KCNAB1: variants seen among roughly 807,000 people sequenced by gnomAD.
The protein encoded by KCNAB1 is potassium voltage-gated channel subfamily A regulatory beta subunit 1.
A neutral mutation model predicts 64.6 loss-of-function variants in KCNAB1; 35 were observed. The ratio of observed to expected loss-of-function variants is 0.54; its 90% CI spans 0.41 to 0.72. KCNAB1 has a LOEUF of 0.72. KCNAB1 is among the 30% of genes least tolerant of loss of function. The pLI, the probability that KCNAB1 is intolerant of heterozygous loss-of-function variation, is 0.00. For synonymous variants in KCNAB1, 177 were observed against 183.8 expected, an observed-to-expected ratio of 0.96 and a Z score of 0.30; for missense variants, 401 against 512.9, an observed-to-expected ratio of 0.78 and a Z score of 2.11.
intron 1 of KCNAB1, among the ~76,000 whole-genome samples, chr3:156,181,151 T>C (rs1712786712): frequency 1.3e-5 from 2 of 152,196 alleles, no homozygotes; most frequent in South Asian, 2.1e-4. Context: ...ATTACCTCTT[T>C]AAAGGTCCTA....
chr3:156,209,539 A>G (rs1015950800), intron 1 of KCNAB1, among the ~76,000 whole-genome samples: 3 of 152,222 alleles, frequency 2.0e-5, no homozygotes, highest in African/African-American at 7.2e-5. Context: ...GACAGGTGTT[A>G]TGGCTTTGAT....
At chr3:156,208,236 C>T (rs149654279) in intron 1 of KCNAB1, among the ~76,000 whole-genome samples, 5 of 152,000 alleles carry the variant, frequency 3.3e-5, no homozygotes, top group South Asian at 2.1e-4. Context: ...TGAAGGTTGC[C>T]GCTGCTCCTA....
chr3:156,310,615 AAC>A (rs755210750), intron 1 of KCNAB1, among the ~76,000 whole-genome samples: 31 of 152,286 alleles, frequency 2.0e-4, no homozygotes, highest in Non-Finnish European at 1.2e-4. Context: ...CATCCTGGCT[AAC>A]ACAGTGAAAC....
At position 156,273,263 on chromosome 3, in the gene KCNAB1, C is replaced by G. The variant is rs998719218; in HGVS notation, c.276-148353C>G. Among the ~76,000 whole-genome samples, 10 of 152,206 alleles carry G rather than the reference C, an allele frequency of 6.6e-5. No individual in the cohort carries two copies. The South Asian group carries it at 1.7e-3, about 25-fold the overall frequency. On this transcript the variant is annotated intron_variant, in intron 1 of 13. Coordinates refer to ENST00000490337, the MANE Select transcript of KCNAB1 (RefSeq NM_172160.3). The stretch of plus-strand genomic sequence containing the variant: ...TACACGCCCTCCAAATCCACTGGCT[C>G]TGAGCACAGCATAGCATTCAGACTT...
chr3:156,238,047 T>C (rs1332020531), intron 1 of KCNAB1, among the ~76,000 whole-genome samples: 1 of 152,060 alleles, frequency 6.6e-6, no homozygotes, highest in Non-Finnish European at 1.5e-5. Context: ...ACCGTTGGCC[T>C]GGGAGGGTGG....
At chr3:156,145,567 C>T (rs1047587320) in intron 1 of KCNAB1, among the ~76,000 whole-genome samples, 1 of 152,030 alleles carries the variant, frequency 6.6e-6, no homozygotes, top group Admixed American at 6.5e-5. Context: ...GATTTTTCCC[C>T]CTCAGGAAAA....
chr3:156,170,612 G>C (rs1404753733), intron 1 of KCNAB1, among the ~76,000 whole-genome samples: 1 of 152,170 alleles, frequency 6.6e-6, no homozygotes, highest in African/African-American at 2.4e-5. Context: ...GCAGTGCATG[G>C]TTCAGCCTGG....
intron 1 of KCNAB1, among the ~76,000 whole-genome samples, chr3:156,228,537 G>A (rs1043005024): frequency 2.0e-5 from 3 of 152,132 alleles, no homozygotes; most frequent in Admixed American, 6.5e-5. Context: ...CTGCCTCTTC[G>A]GGGTTCTATC....
At chr3:156,316,055 G>A (rs956582042) in intron 1 of KCNAB1, among the ~76,000 whole-genome samples, 6 of 152,012 alleles carry the variant, frequency 3.9e-5, no homozygotes, top group African/African-American at 1.4e-4. Flanking sequence ...GTTACAAATG[G>A]TACAACTCAA....
chr3:156,427,192 C>A (rs1373802202), intron 2 of KCNAB1, among the ~76,000 whole-genome samples: 3 of 152,156 alleles, frequency 2.0e-5, no homozygotes, highest in Non-Finnish European at 2.9e-5. Context: ...ACAGGAGACA[C>A]AGGAGGGAGC....
intron 1 of KCNAB1, among the ~76,000 whole-genome samples, chr3:156,345,960 C>T (rs1724455318): frequency 6.6e-6 from 1 of 152,072 alleles, no homozygotes; most frequent in African/African-American, 2.4e-5. Context: ...TTGGAGCCAT[C>T]TCATTGTTCT....
chr3:156,497,871 G>A (rs1048017491), intron 8 of KCNAB1, among the ~76,000 whole-genome samples: 1 of 152,072 alleles, frequency 6.6e-6, no homozygotes, highest in Admixed American at 6.6e-5. Flanking sequence ...AGATACATAG[G>A]GTCTTCGAAA....
chr3:156,204,034 T>C (rs1203589224), intron 1 of KCNAB1, among the ~76,000 whole-genome samples: 1 of 152,228 alleles, frequency 6.6e-6, no homozygotes, highest in African/African-American at 2.4e-5. Context: ...CTTTCTCCAA[T>C]ATTTCAGGTC....
intron 1 of KCNAB1, among the ~76,000 whole-genome samples, chr3:156,223,001 C>A (rs764847963): frequency 6.6e-6 from 1 of 152,216 alleles, no homozygotes; most frequent in African/African-American, 2.4e-5. Flanking sequence ...ATTAGACAAT[C>A]TGTGTCCGGA....
At position 156,369,117 on chromosome 3, in the gene KCNAB1, C is replaced by T. The variant is rs537502888; in HGVS notation, c.276-52499C>T. Among the ~76,000 whole-genome samples the T allele has an allele frequency of 5.3e-5, 8 of 152,284 alleles. No individual in the cohort carries two copies. In the East Asian group the frequency reaches 1.2e-3, roughly 22 times the overall value. ...TCATATCTGTTCCCAGTCAATATCA[C>T]CTCTCCATAGGTAACCACTATTCTG... On this transcript the variant is annotated intron_variant, in intron 1 of 13. Transcript: ENST00000490337.
chr3:156,222,273 G>C (rs1252194109), intron 1 of KCNAB1, among the ~76,000 whole-genome samples: 2 of 152,172 alleles, frequency 1.3e-5, no homozygotes, highest in East Asian at 3.9e-4. Flanking sequence ...GTGAGCAGAA[G>C]TAGCTATTCT....
chr3:156,478,923 G>A (rs979583901), intron 8 of KCNAB1, among the ~76,000 whole-genome samples: 4 of 152,052 alleles, frequency 2.6e-5, no homozygotes, highest in Non-Finnish European at 2.9e-5. Flanking sequence ...TGCAATCAGT[G>A]GAGAAAGGGG....
chr3:156,290,043 G>A (rs1441216206), intron 1 of KCNAB1, among the ~76,000 whole-genome samples: 2 of 152,154 alleles, frequency 1.3e-5, no homozygotes, highest in Non-Finnish European at 2.9e-5. Flanking sequence ...CTCTGTTTCA[G>A]CCATCTTTGT....
chr3:156,450,839 T>G (rs145041348), intron 2 of KCNAB1, among the ~76,000 whole-genome samples: 18 of 151,222 alleles, frequency 1.2e-4, no homozygotes, highest in African/African-American at 4.4e-4. Context: ...ACATTCTTTG[T>G]CTGGATACAC....
Sources: allele counts gnomAD v4.1 joint callset (sites outside exome capture counted in the v4.1 genomes callset), GRCh38; gene constraint gnomAD v4.1.1; transcripts MANE v1.5; gene names NCBI Gene and HGNC (gene_info 2026-07-23, HGNC 2026-07-21).